STARD9: variants seen among roughly 807,000 people sequenced by gnomAD.
STARD9 encodes the protein StAR related lipid transfer domain containing 9, also known as stAR-related lipid transfer protein 9.
Under a neutral mutation model 399.8 loss-of-function variants are expected in STARD9, and 346 were observed. The ratio of observed to expected loss-of-function variants is 0.87; its 90% CI spans 0.79 to 0.95. The LOEUF is 0.95. Ranked by LOEUF, STARD9 falls within the 40% of genes least tolerant of loss-of-function variation. The probability of loss-of-function intolerance (pLI) is 0.00; values close to 1 mark genes in which losing one functional copy is unlikely to be tolerated. For synonymous variants in STARD9, 2,203 were observed against 2,143.5 expected (o/e 1.03, Z -0.77); for missense variants, 5,832 against 5,667.5 (o/e 1.03, Z -0.93).
intron 3 of STARD9, among the ~76,000 whole-genome samples, chr15:42,610,059 C>T (rs2058817480): frequency 6.6e-6 from 1 of 152,062 alleles, no homozygotes; most frequent in Non-Finnish European, 1.5e-5. Context: ...CGGCACTGAA[C>T]TCCAGCCTGG....
chr15:42,692,117 C>A lies in STARD9; in HGVS notation c.10539C>A (p.Ser3513Arg). The change falls in exon 23 of 33, where the codon AGC becomes AGA. Residue 3513 changes from serine to arginine, a missense_variant. By Grantham distance (110) the Ser-to-Arg change is moderately radical. Coordinates refer to ENST00000290607, the MANE Select transcript of STARD9 (RefSeq NM_020759.3). The stretch of plus-strand genomic sequence containing the variant: ...TATCAAATGTGGCCCGGTGCTCCAG[C>A]ATGGACAATGGCCTAGAAGACCAGA... ...LTLSNVARCS[S>R]MDNGLEDQNS... is the part of the protein sequence containing the mutation. 1 of 1,537,206 alleles carries A rather than the reference C, an allele frequency of 6.5e-7. No individual in the cohort carries two copies. The highest frequency in any genetic ancestry group is 1.2e-5 in the South Asian group (1 of 84,054).
chr15:42,616,832 A>G (rs2058971870), intron 3 of STARD9, among the ~76,000 whole-genome samples: 1 of 150,214 alleles, frequency 6.7e-6, no homozygotes, highest in African/African-American at 2.5e-5. Flanking sequence ...CAGAGGTTGC[A>G]GTGAGCTGAG....
chr15:42,629,340 C>CT (rs780457136), intron 3 of STARD9, among the ~76,000 whole-genome samples: 7 of 152,080 alleles, frequency 4.6e-5, no homozygotes, highest in Admixed American at 3.9e-4. Context: ...TTGTAGAGGT[C>CT]TTTCATTTTG....
chr15:42,681,710 A>G, intron 21 of STARD9, 98 bp downstream of exon 21: 1 of 1,103,400 alleles, frequency 9.1e-7, no homozygotes, highest in Non-Finnish European at 1.3e-6. Context: ...TTTCTTTGTG[A>G]TATGATGGAA....
chr15:42,674,948 C>T lies in STARD9; in HGVS notation c.1671C>T (p.Ser557=). ...CTVNGREVTA[S]CRLTQGAVIT... is the part of the protein sequence containing the mutation. ...TCAATGGCCGGGAGGTCACTGCCTC[C>T]TGCCGTCTGACTCAAGGTAGGACTG... The change falls in exon 18 of 33, where the codon TCC becomes TCT. Residue 557 remains serine, a synonymous_variant. Coordinates refer to ENST00000290607, the MANE Select transcript of STARD9 (RefSeq NM_020759.3). 2 of 1,535,256 alleles carry T rather than the reference C, an allele frequency of 1.3e-6. No individual in the cohort carries two copies. The highest frequency in any genetic ancestry group is 2.4e-5 in the South Asian group (2 of 83,616).
intron 3 of STARD9, among the ~76,000 whole-genome samples, chr15:42,618,068 A>C (rs2059009613): frequency 6.6e-6 from 1 of 151,568 alleles, no homozygotes; most frequent in Non-Finnish European, 1.5e-5. Flanking sequence ...CCATTCCTTC[A>C]TTTAGTACAC....
rs1363589584 is a variant in STARD9, at chr15:42,674,940, A to G, written c.1663A>G (p.Thr555Ala). ...ARCTVNGREV[T>A]ASCRLTQGAV... is the part of the protein sequence containing the mutation. Reference sequence around the variant, plus strand: ...CTGTACAGTCAATGGCCGGGAGGTCACTGCCTCCTGCCGTCTGACTCAAGG... The same window carrying G: ...CTGTACAGTCAATGGCCGGGAGGTCGCTGCCTCCTGCCGTCTGACTCAAGG... Residue 555 changes from threonine (T) to alanine (A), a missense_variant, in exon 18 of 33, where the codon ACT (threonine) becomes GCT (alanine). Coordinates refer to ENST00000290607, the MANE Select transcript of STARD9 (RefSeq NM_020759.3). 6.5e-7 allele frequency: 1 copy of G among 1,536,132 alleles called. No individual in the cohort carries two copies. The highest frequency in any genetic ancestry group is 8.7e-7 in the Non-Finnish European group (1 of 1,146,484).
At chr15:42,665,756 A>C in intron 14 of STARD9, 30 bp from the exon 15 acceptor site, 1 of 1,534,540 alleles carries the variant, frequency 6.5e-7, no homozygotes, top group Non-Finnish European at 8.7e-7. Context: ...GACCAGGAAA[A>C]TATCAAAGCA....
intron 6 of STARD9, 162 bp downstream of exon 6, chr15:42,638,249 C>T: frequency 1.5e-6 from 1 of 676,346 alleles, no homozygotes; most frequent in Non-Finnish European, 2.5e-6. Context: ...ATACTTAGGC[C>T]CTTGGTTGTA....
chr15:42,661,091 A>C (rs555982213), intron 9 of STARD9, 67 bp from the exon 10 acceptor site: 1 of 1,187,382 alleles, frequency 8.4e-7, no homozygotes, highest in East Asian at 2.5e-5. Context: ...CCTTGGTTAG[A>C]AGAGTTCTAA....
intron 1 of STARD9, 104 bp downstream of exon 1, chr15:42,575,866 C>A: frequency 7.8e-7 from 1 of 1,287,236 alleles, no homozygotes; most frequent in Non-Finnish European, 1.1e-6. Flanking sequence ...AAATCGGTGA[C>A]AAAGTGACCC....
intron 3 of STARD9, among the ~76,000 whole-genome samples, chr15:42,604,669 C>T (rs2058695215): frequency 1.8e-5 from 2 of 108,458 alleles, no homozygotes; most frequent in South Asian, 6.6e-4. Flanking sequence ...GACAGGGTCT[C>T]TCTCTGTCCC....
At chr15:42,616,065 A>G (rs2058957861) in intron 3 of STARD9, among the ~76,000 whole-genome samples, 1 of 152,216 alleles carries the variant, frequency 6.6e-6, no homozygotes, top group Admixed American at 6.5e-5. Flanking sequence ...TTGGTATAAG[A>G]AGTGAGCATT....
intron 7 of STARD9, 23 bp from the exon 8 acceptor site, chr15:42,650,993 T>A: frequency 2.7e-6 from 4 of 1,481,762 alleles, no homozygotes; most frequent in Non-Finnish European, 3.6e-6. Context: ...TAATTTCTTT[T>A]TTCCGTTTCA....
chr15:42,631,666 T>C (rs1388567121), intron 3 of STARD9, among the ~76,000 whole-genome samples: 1 of 152,166 alleles, frequency 6.6e-6, no homozygotes, highest in Admixed American at 6.5e-5. Context: ...TTAATTTCCA[T>C]GTGTGTGTAT....
At chr15:42,583,913 A>G (rs2058222917) in intron 2 of STARD9, among the ~76,000 whole-genome samples, 1 of 152,126 alleles carries the variant, frequency 6.6e-6, no homozygotes, top group South Asian at 2.1e-4. Flanking sequence ...GTCAGTCACT[A>G]GCCTGGGTTT....
chr15:42,694,312 T>C lies in STARD9; in HGVS notation c.12734T>C (p.Val4245Ala). The change falls in exon 23 of 33, where the codon GTG becomes GCG. Residue 4245 changes from valine to alanine, a missense_variant. Coordinates refer to ENST00000290607, the MANE Select transcript of STARD9 (RefSeq NM_020759.3). ...GAGGCGCTTGCTGCTGATGAACCTGTGACATCCACCTGGAAGGAGCTCTAT... is the reference window on the plus strand; with the variant it reads ...GAGGCGCTTGCTGCTGATGAACCTGCGACATCCACCTGGAAGGAGCTCTAT... ...TGEALAADEP[V>A]TSTWKELYAR... 1 of 1,519,374 alleles carries C rather than the reference T, an allele frequency of 6.6e-7. No homozygotes were observed. The highest frequency in any genetic ancestry group is 2.5e-5 in the East Asian group (1 of 40,676). 94.1% of individuals were successfully genotyped at this position (1,519,374 alleles called of 1,614,324 possible). A position where few individuals can be genotyped will look rare whatever the true frequency, so the allele number is the denominator to read the frequency against.
intron 3 of STARD9, among the ~76,000 whole-genome samples, chr15:42,610,442 G>T (rs761481866): frequency 3.1e-4 from 47 of 152,290 alleles, no homozygotes; most frequent in Middle Eastern, 3.4e-3. Context: ...AACAATCAGT[G>T]TCCCCTACTG....
chr15:42,638,646 G>A, intron 6 of STARD9, 54 bp from the exon 7 acceptor site: 1 of 1,282,520 alleles, frequency 7.8e-7, no homozygotes, highest in Admixed American at 2.2e-5. Flanking sequence ...GCTCAATGTT[G>A]TTTCTACTTT....
Sources: allele counts gnomAD v4.1 joint callset (sites outside exome capture counted in the v4.1 genomes callset), GRCh38; gene constraint gnomAD v4.1.1; transcripts MANE v1.5; gene names NCBI Gene and HGNC (gene_info 2026-07-23, HGNC 2026-07-21).